NDUFB6: variants seen among roughly 807,000 people sequenced by gnomAD.
The protein encoded by NDUFB6 is NADH dehydrogenase [ubiquinone] 1 beta subcomplex subunit 6.
A neutral mutation model predicts 17.5 loss-of-function variants in NDUFB6; 23 were observed. The ratio of observed to expected loss-of-function variants is 1.31; its 90% CI spans 0.94 to 1.86. NDUFB6 has a LOEUF of 1.86. Among genes scored for constraint, NDUFB6 ranks in the 40% most tolerant of loss-of-function variants. The probability of loss-of-function intolerance (pLI) is 0.00; values close to 1 mark genes in which losing one functional copy is unlikely to be tolerated. For missense variants in NDUFB6, 167 were observed against 153.8 expected, an observed-to-expected ratio of 1.09 and a Z score of -0.46; for synonymous variants, 60 against 53.5, an observed-to-expected ratio of 1.12 and a Z score of -0.53.
rs561660940 is a variant in NDUFB6, at chr9:32,553,911, G to C, written c.352C>G (p.Pro118Ala). The C allele has an allele frequency of 3.8e-6, 6 of 1,598,884 alleles. No individual in the cohort carries two copies. The Admixed American group carries it at 8.4e-5, about 22-fold the overall frequency. Residue 118 changes from proline to alanine, a missense_variant, in exon 4 of 4, where the codon CCA becomes GCA. By Grantham distance (27) the Pro-to-Ala change is conservative. Coordinates refer to ENST00000379847, the MANE Select transcript of NDUFB6 (RefSeq NM_002493.5). Reference protein sequence around the residue: ...DTILETGEVIPPMKEFPDQHH With the variant: ...DTILETGEVIAPMKEFPDQHH ...TGATCAGGAAATTCTTTCATTGGTGGAATTACTTCTCCAGTCTCCAGAATT... is the reference window on the plus strand; with the variant it reads ...TGATCAGGAAATTCTTTCATTGGTGCAATTACTTCTCCAGTCTCCAGAATT...
At chr9:32,560,529 T>A (rs1368870127) in intron 2 of NDUFB6, among the ~76,000 whole-genome samples, 5 of 152,226 alleles carry the variant, frequency 3.3e-5, no homozygotes, top group Non-Finnish European at 7.3e-5. Context: ...TCAGAGTTTG[T>A]AATGTGTAAG....
chr9:32,572,764 C>T (rs946392319), intron 1 of NDUFB6, 117 bp downstream of exon 1: 8 of 961,600 alleles, frequency 8.3e-6, no homozygotes, highest in East Asian at 5.4e-5. Context: ...TGGCCAGTGT[C>T]CCAGAGCACT....
At chr9:32,567,855 A>G in intron 2 of NDUFB6, 1 of 200,292 alleles carries the variant, frequency 5.0e-6, no homozygotes, top group South Asian at 1.1e-4. Context: ...TACTGAAATT[A>G]GGCCAATTTA....
At chr9:32,567,153 C>A in intron 2 of NDUFB6, 1 of 476,824 alleles carries the variant, frequency 2.1e-6, no homozygotes, top group Non-Finnish European at 4.3e-6. Context: ...GCCTCTGGGC[C>A]CCGCAGGCAG....
At chr9:32,567,710 G>A (rs2119031416) in intron 2 of NDUFB6, 1 of 337,218 alleles carries the variant, frequency 3.0e-6, no homozygotes, top group Non-Finnish European at 6.1e-6. Flanking sequence ...CAAATTTTAG[G>A]GGCAACACAA....
chr9:32,572,314 A>AT (rs959900429), intron 1 of NDUFB6, among the ~76,000 whole-genome samples: 7 of 152,192 alleles, frequency 4.6e-5, no homozygotes, highest in Non-Finnish European at 1.0e-4. Context: ...CCAAAATGCG[A>AT]TTTTTTTAAT....
At chr9:32,558,268 C>T (rs1468949823) in intron 3 of NDUFB6, among the ~76,000 whole-genome samples, 3 of 152,086 alleles carry the variant, frequency 2.0e-5, no homozygotes, top group Non-Finnish European at 4.4e-5. Context: ...CCCGCCACCA[C>T]GCCCAGCTAA....
At chr9:32,566,672 C>T (rs1197957873) in intron 2 of NDUFB6, 21 of 815,436 alleles carry the variant, frequency 2.6e-5, no homozygotes, top group Middle Eastern at 6.2e-4. Flanking sequence ...AACTCCGGAT[C>T]CGGCTTTCAC....
chr9:32,554,255 C>T (rs143257950), intron 3 of NDUFB6, among the ~76,000 whole-genome samples: 14 of 152,292 alleles, frequency 9.2e-5, no homozygotes, highest in African/African-American at 3.1e-4. Flanking sequence ...ATGGAGGCCC[C>T]AGAAAGAAGT....
At chr9:32,566,982 G>C in intron 2 of NDUFB6, 1 of 509,518 alleles carries the variant, frequency 2.0e-6, no homozygotes, top group South Asian at 1.8e-5. Context: ...GGACGCTTCG[G>C]TCAGCTCCAT....
chr9:32,554,895 A>C lies in NDUFB6; in HGVS notation c.319-951T>G, dbSNP rs116495131. ...CCTATAACTTGGAAGCTGACTGCCT[A>C]ATGAACTTGAGGTTCTAGAAGAAGT... On this transcript the variant is annotated intron_variant, in intron 3 of 3. Coordinates refer to ENST00000379847, the MANE Select transcript of NDUFB6 (RefSeq NM_002493.5). 5.0e-3 allele frequency among the ~76,000 whole-genome samples: 759 copies of C among 152,318 alleles called. 5 individuals carry two copies. Among genetic ancestry groups the C allele is most frequent in the African/African-American group, 0.017 (721 of 41,564 alleles).
chr9:32,562,197 T>C (rs950984005), intron 2 of NDUFB6, among the ~76,000 whole-genome samples: 5 of 152,226 alleles, frequency 3.3e-5, no homozygotes, highest in Non-Finnish European at 5.9e-5. Flanking sequence ...CCGTACTCTT[T>C]CCCAAATTAT....
At chr9:32,568,716 ATGTG>A (rs1281629911) in intron 2 of NDUFB6, 3 of 140,596 alleles carry the variant, frequency 2.1e-5, no homozygotes, top group African/African-American at 5.8e-5. Context: ...GTGTATGTAT[ATGTG>A]TGTGTGTGTG....
chr9:32,564,740 ACT>A (rs750143399), intron 2 of NDUFB6, among the ~76,000 whole-genome samples: 6 of 152,182 alleles, frequency 3.9e-5, no homozygotes, highest in Non-Finnish European at 4.4e-5. Context: ...GATGATAGTA[ACT>A]CTGATAAATG....
chr9:32,553,895 A>G lies in NDUFB6; in HGVS notation c.368T>C (p.Phe123Ser), dbSNP rs1027821103. The change falls in exon 4 of 4, where the codon TTT becomes TCT. Residue 123 changes from phenylalanine to serine, a missense_variant. Phe to Ser is a radical substitution (Grantham distance 155). Coordinates refer to ENST00000379847, the MANE Select transcript of NDUFB6 (RefSeq NM_002493.5). ...TGEVIPPMKE[F>S]PDQHH ...TAATCTTTAATGATGTTGATCAGGA[A>G]ATTCTTTCATTGGTGGAATTACTTC... The G allele has an allele frequency of 4.4e-6, 7 of 1,596,068 alleles. No individual in the cohort carries two copies. Among genetic ancestry groups the G allele is most frequent in the Non-Finnish European group, 6.0e-6 (7 of 1,164,582 alleles).
chr9:32,572,314 ATTTT>A (rs959900429), intron 1 of NDUFB6, among the ~76,000 whole-genome samples: 6 of 152,192 alleles, frequency 3.9e-5, no homozygotes, highest in Non-Finnish European at 7.3e-5. Context: ...CCAAAATGCG[ATTTT>A]TTTAATGAAA....
intron 2 of NDUFB6, among the ~76,000 whole-genome samples, chr9:32,563,150 A>T (rs962825434): frequency 1.3e-5 from 2 of 152,150 alleles, no homozygotes; most frequent in African/African-American, 4.8e-5. Flanking sequence ...CTGTGTTCTT[A>T]TTGCAGCCTA....
chr9:32,573,092 G>A lies in NDUFB6; in HGVS notation c.-32C>T, dbSNP rs1327788834. Reference sequence around the variant, plus strand: ...GCTGGTACCAACGCAAAAGGACACGGCGCACCCTCGAACTACGGACTAGTT... The same window carrying A: ...GCTGGTACCAACGCAAAAGGACACGACGCACCCTCGAACTACGGACTAGTT... On this transcript the variant is annotated 5_prime_UTR_variant, in exon 1 of 4. Transcript: ENST00000379847. 6.7e-7 allele frequency: 1 copy of A among 1,500,996 alleles called. No homozygotes were observed. Among genetic ancestry groups the A allele is most frequent in the Admixed American group, 2.2e-5 (1 of 46,408 alleles). 93.0% of individuals were successfully genotyped at this position (1,500,996 alleles called of 1,614,324 possible).
At chr9:32,555,588 A>G (rs1192492413) in intron 3 of NDUFB6, among the ~76,000 whole-genome samples, 1 of 152,232 alleles carries the variant, frequency 6.6e-6, no homozygotes, top group Admixed American at 6.5e-5. Flanking sequence ...TTTTCTTTTC[A>G]TGCTTCTAAA....
Sources: allele counts gnomAD v4.1 joint callset (sites outside exome capture counted in the v4.1 genomes callset), GRCh38; gene constraint gnomAD v4.1.1; transcripts MANE v1.5; gene names NCBI Gene and HGNC (gene_info 2026-07-23, HGNC 2026-07-21).